The following AAMP variants were observed in gnomAD, a reference collection of about 807,000 sequenced individuals.
AAMP encodes angio associated migratory cell protein, also known as angio-associated migratory cell protein.
A neutral mutation model predicts 51.1 loss-of-function variants in AAMP; 12 were observed. That is an observed-to-expected ratio of 0.23 (90% CI 0.15 to 0.38). The LOEUF (loss-of-function observed/expected upper bound fraction) is 0.38, where lower values mean the gene tolerates loss of function less well. Ranked by LOEUF, AAMP falls within the 10% of genes least tolerant of loss-of-function variation. The pLI is 1.00. For missense variants in AAMP, 418 were observed against 557.2 expected (o/e 0.75, Z 2.52); for synonymous variants, 210 against 218.7 (o/e 0.96, Z 0.35).
In AAMP at chr2:218,265,723, GT is replaced by G. The variant is rs766072542; in HGVS notation, c.880-42del. 1 of 1,596,070 alleles carries G rather than the reference GT, an allele frequency of 6.3e-7. No individual in the cohort carries two copies. Among genetic ancestry groups the G allele is most frequent in the Admixed American group, 1.7e-5 (1 of 60,016 alleles). On this transcript the variant is annotated intron_variant, in intron 7 of 10. Coordinates refer to ENST00000248450, the MANE Select transcript of AAMP (RefSeq NM_001087.5). The surrounding 1 kb of genome is among the most constrained non-coding windows in gnomAD (Gnocchi z 6.6). ...GATCAGAGGAGGACACGGAATCCGG[GT>G]GCTTGATGGAGAGAAAGACGGTGGG...
rs1232172928 is a variant in AAMP, at chr2:218,267,898, A to T, written c.275-285T>A. Among the ~76,000 whole-genome samples the T allele has an allele frequency of 6.6e-5, 10 of 152,178 alleles. No individual in the cohort carries two copies. The highest frequency in any genetic ancestry group is 6.5e-4 in the Admixed American group (10 of 15,276). ...AGGTGGGGACAGGTGCAGGGCTTAC[A>T]GTTGTCAGCATGGGATGCCACCGGG... On this transcript the variant is annotated intron_variant, in intron 2 of 10. Coordinates refer to ENST00000248450, the MANE Select transcript of AAMP (RefSeq NM_001087.5). The surrounding 1 kb of genome is among the most constrained non-coding windows in gnomAD (Gnocchi z 4.6).
rs370095659 is a variant in AAMP at position 218,265,050 on chromosome 2, G to T, written c.1199C>A (p.Thr400Lys). 2.2e-5 allele frequency: 36 copies of T among 1,613,780 alleles called. No homozygotes were observed. The highest frequency in any genetic ancestry group is 3.0e-5 in the Non-Finnish European group (35 of 1,180,034). ...GRLLTDYRGHTAEILDFALSK... is the reference protein window; with the variant it reads ...GRLLTDYRGHKAEILDFALSK... ...GAGGGCAAAGTCCAGGATCTCAGCC[G>T]TGTGGCCCCGGTAGTCAGTAAGCAG... is the stretch of plus-strand genomic sequence containing the variant. The change falls in exon 10 of 11, where the codon ACG (threonine) becomes AAG (lysine). Residue 400 changes from threonine to lysine, a missense_variant. Thr to Lys is a moderately conservative substitution (Grantham distance 78). Transcript: ENST00000248450. This position sits in a 1 kb window ranked among gnomAD's most constrained non-coding sequence, Gnocchi z 6.6.
chr2:218,266,436 C>G lies in AAMP; in HGVS notation c.679+7G>C, dbSNP rs1423643215. 6.2e-7 allele frequency: 1 copy of G among 1,613,254 alleles called. No homozygotes were observed. Among genetic ancestry groups the G allele is most frequent in the Non-Finnish European group, 8.5e-7 (1 of 1,179,392 alleles). ...CAGGAAAGGTCACTCAAGGGAGGTGCTCTCACCATCAGGGAGGACTCGGCC... is the reference window on the plus strand; with the variant it reads ...CAGGAAAGGTCACTCAAGGGAGGTGGTCTCACCATCAGGGAGGACTCGGCC... On this transcript the variant is annotated splice_region_variant and intron_variant, in intron 5 of 10. Coordinates refer to ENST00000248450, the MANE Select transcript of AAMP (RefSeq NM_001087.5). The surrounding 1 kb of genome is among the most constrained non-coding windows in gnomAD (Gnocchi z 4.7).
chr2:218,268,927 G>T (rs182083330), intron 2 of AAMP, among the ~76,000 whole-genome samples: 1 of 152,160 alleles, frequency 6.6e-6, no homozygotes, highest in Admixed American at 6.5e-5. Flanking sequence ...TGGAACTCCC[G>T]ACCTTGTGAT....
In AAMP at chr2:218,266,379, AG is replaced by A; in HGVS notation, c.679+63del. ...CTGTGACCCAGAAGGCTGCTCTGGG[AG>A]GTGTATATCCCGGGATTCGGCCTCT... On this transcript the variant is annotated intron_variant, in intron 5 of 10. Coordinates refer to ENST00000248450, the MANE Select transcript of AAMP (RefSeq NM_001087.5). The surrounding 1 kb of genome is among the most constrained non-coding windows in gnomAD (Gnocchi z 4.7). 2 of 1,581,570 alleles carry A rather than the reference AG, an allele frequency of 1.3e-6. No homozygotes were observed. Among genetic ancestry groups the A allele is most frequent in the South Asian group, 2.3e-5 (2 of 87,692 alleles).
At chr2:218,268,392 G>A (rs998356654) in intron 2 of AAMP, among the ~76,000 whole-genome samples, 6 of 151,936 alleles carry the variant, frequency 3.9e-5, no homozygotes, top group Admixed American at 1.3e-4. Flanking sequence ...AGGCCGAAGC[G>A]CAGTGGCACA....
Position 218,266,218 on chromosome 2 carries a change from G to C in AAMP, c.680-71C>G, listed in dbSNP as rs779587714. ...TACACTAAGCAAGGGAATGGGGAGA[G>C]GGAGAGGAAAGAAGAGTGGAAGGGC... On this transcript the variant is annotated intron_variant, in intron 5 of 10. Transcript: ENST00000248450. The surrounding 1 kb of genome is among the most constrained non-coding windows in gnomAD (Gnocchi z 4.7). 13 of 1,473,202 alleles carry C rather than the reference G, an allele frequency of 8.8e-6. No homozygotes were observed. The highest frequency in any genetic ancestry group is 5.1e-5 in the Admixed American group (3 of 59,214). The allele number at this position is 1,473,202 out of a possible 1,614,324, so 91.3% of individuals were successfully genotyped here.
chr2:218,267,454 G>T lies in AAMP; in HGVS notation c.394+40C>A. The T allele has an allele frequency of 6.2e-7, 1 of 1,610,784 alleles. No individual in the cohort carries two copies. Among genetic ancestry groups the T allele is most frequent in the Non-Finnish European group, 8.5e-7 (1 of 1,177,918 alleles). On this transcript the variant is annotated intron_variant, in intron 3 of 10. Transcript: ENST00000248450. The surrounding 1 kb of genome is among the most constrained non-coding windows in gnomAD (Gnocchi z 4.6). The stretch of plus-strand genomic sequence containing the variant: ...GTCAGCCTCCTAAGATCTCCCAAAA[G>T]AATATGACCTCTCCCAGGCCTCTAC...
At chr2:218,269,670 G>A (rs1479705018) in intron 1 of AAMP, 136 bp from the exon 2 acceptor site, 1 of 1,449,270 alleles carries the variant, frequency 6.9e-7, no homozygotes, top group Non-Finnish European at 9.5e-7. Flanking sequence ...GGGGTCCGCG[G>A]GGGCGCGCGG....
chr2:218,269,683 C>A, intron 1 of AAMP, 149 bp from the exon 2 acceptor site: 2 of 1,375,126 alleles, frequency 1.5e-6, no homozygotes, highest in Middle Eastern at 2.1e-4. Flanking sequence ...GCGCGCGGGA[C>A]ACAGGACGGG....
chr2:218,265,251 G>A lies in AAMP; in HGVS notation c.1075-77C>T. On this transcript the variant is annotated intron_variant, in intron 9 of 10. Coordinates refer to ENST00000248450, the MANE Select transcript of AAMP (RefSeq NM_001087.5). The surrounding 1 kb of genome is among the most constrained non-coding windows in gnomAD (Gnocchi z 6.6). ...GCCATCTGCTCCCAATTCTCAAAGA[G>A]GGACAGCCACACACAAGGGCCAGGC... 2 of 1,559,886 alleles carry A rather than the reference G, an allele frequency of 1.3e-6. No homozygotes were observed. The highest frequency in any genetic ancestry group is 2.2e-4 in the Middle Eastern group (1 of 4,570).
Position 218,265,526 on chromosome 2 carries a change from CG to C in AAMP, c.983+52del. 6.3e-7 allele frequency: 1 copy of C among 1,585,290 alleles called. No homozygotes were observed. The highest frequency in any genetic ancestry group is 8.7e-7 in the Non-Finnish European group (1 of 1,154,924). On this transcript the variant is annotated intron_variant, in intron 8 of 10. Coordinates refer to ENST00000248450, the MANE Select transcript of AAMP (RefSeq NM_001087.5). The surrounding 1 kb of genome is among the most constrained non-coding windows in gnomAD (Gnocchi z 6.6). ...GGACTCACACGCCCTGCCGTCCTCC[CG>C]GGCCCCCAGCCCAGGCCCCTCCCAC...
Position 218,269,487 on chromosome 2 carries a change from C to G in AAMP, c.169G>C (p.Glu57Gln), listed in dbSNP as rs764759872. Residue 57 changes from glutamate to glutamine, a missense_variant, in exon 2 of 11, where the codon GAG becomes CAG. By Grantham distance (29) the Glu-to-Gln change is conservative. Coordinates refer to ENST00000248450, the MANE Select transcript of AAMP (RefSeq NM_001087.5). ...CAGCCCTCTTCGTTGCCCTCTTCCT[C>G]CTCTTCTTCCTCAAAGTCCACATCT... ...MEDVDFEEEE[E>Q]EEGNEEGWVL... is the part of the protein sequence containing the mutation. The G allele has an allele frequency of 2.5e-6, 4 of 1,614,246 alleles. No individual in the cohort carries two copies. The South Asian group carries it at 4.4e-5, about 18-fold the overall frequency.
At chr2:218,268,391 C>T (rs902649066) in intron 2 of AAMP, among the ~76,000 whole-genome samples, 3 of 149,766 alleles carry the variant, frequency 2.0e-5, no homozygotes, top group Admixed American at 1.3e-4. Flanking sequence ...CAGGCCGAAG[C>T]GCAGTGGCAC....
chr2:218,267,055 TG>T lies in AAMP; in HGVS notation c.395-70del. ...ACCTGGTGCTGGGGGCATGTGATTC[TG>T]GTATCTGGCCCACTGAAAGGACCAG... On this transcript the variant is annotated intron_variant, in intron 3 of 10. Transcript: ENST00000248450. This position sits in a 1 kb window ranked among gnomAD's most constrained non-coding sequence, Gnocchi z 4.6. The T allele has an allele frequency of 6.3e-7, 1 of 1,580,796 alleles. No individual in the cohort carries two copies. The highest frequency in any genetic ancestry group is 8.7e-7 in the Non-Finnish European group (1 of 1,155,264).
chr2:218,264,202 C>T lies in AAMP; in HGVS notation c.*331G>A, dbSNP rs1687108769. 1 of 387,330 alleles carries T rather than the reference C, an allele frequency of 2.6e-6. No homozygotes were observed. The highest frequency in any genetic ancestry group is 2.0e-5 in the African/African-American group (1 of 49,868). The allele number at this position is 387,330 out of a possible 1,614,324, so 24.0% of individuals were successfully genotyped here. On this transcript the variant is annotated 3_prime_UTR_variant, in exon 11 of 11. Transcript: ENST00000248450. ...TCTTCCTCCTTTCCACCCCCAGAGA[C>T]TTGGGAAGGGAAAGAACGGGAACCT...
chr2:218,267,735 AG>A lies in AAMP; in HGVS notation c.275-123del. 1.6e-6 allele frequency: 2 copies of A among 1,239,998 alleles called. No individual in the cohort carries two copies. Among genetic ancestry groups the A allele is most frequent in the East Asian group, 4.8e-5 (2 of 42,024 alleles). The allele number at this position is 1,239,998 out of a possible 1,614,324, so 76.8% of individuals were successfully genotyped here. A position where few individuals can be genotyped will look rare whatever the true frequency, so the allele number is the denominator to read the frequency against. On this transcript the variant is annotated intron_variant, in intron 2 of 10. Transcript: ENST00000248450. The surrounding 1 kb of genome is among the most constrained non-coding windows in gnomAD (Gnocchi z 4.6). ...GCGTGTCTTTCCTCCTGGAAAACAC[AG>A]GTACATCCAAGTTCTTCTAAGTTTC...
In AAMP at chr2:218,264,486, T is replaced by TCC. The variant is rs761295760; in HGVS notation, c.*45_*46dup. The TCC allele has an allele frequency of 8.9e-6, 14 of 1,564,570 alleles. No homozygotes were observed. The highest frequency in any genetic ancestry group is 1.2e-5 in the Non-Finnish European group (14 of 1,135,706). On this transcript the variant is annotated 3_prime_UTR_variant, in exon 11 of 11. Coordinates refer to ENST00000248450, the MANE Select transcript of AAMP (RefSeq NM_001087.5). ...CTCTGCTGGCAGACAGGGGCAGGGG[T>TCC]CCCTTCGTCCCCTCAACACCAGACA...
rs1690673971 is a variant in AAMP at position 218,267,978 on chromosome 2, T to C, written c.275-365A>G. Among the ~76,000 whole-genome samples, 1 of 152,262 alleles carries C rather than the reference T, an allele frequency of 6.6e-6. No homozygotes were observed. The highest frequency in any genetic ancestry group is 1.9e-4 in the East Asian group (1 of 5,184). On this transcript the variant is annotated intron_variant, in intron 2 of 10. Transcript: ENST00000248450. The surrounding 1 kb of genome is among the most constrained non-coding windows in gnomAD (Gnocchi z 4.6). The stretch of plus-strand genomic sequence containing the variant: ...TTAAGGGTTTTTTGTTTTTTGTTTT[T>C]TGTTTTTTGAGACAGAGTCTTGCTC...
Sources: allele counts gnomAD v4.1 joint callset (sites outside exome capture counted in the v4.1 genomes callset), GRCh38; gene constraint gnomAD v4.1.1; non-coding constraint Gnocchi (gnomAD v3.1); transcripts MANE v1.5; gene names NCBI Gene and HGNC (gene_info 2026-07-23, HGNC 2026-07-21).